The following DCDC2C variants were observed in gnomAD, a reference collection of about 807,000 sequenced individuals.
DCDC2C encodes doublecortin domain-containing protein 2C.
DCDC2C carries 44 observed loss-of-function variants against 45.0 expected under a neutral mutation model. The ratio of observed to expected loss-of-function variants is 0.98; its 90% CI spans 0.77 to 1.26. The LOEUF is 1.26. DCDC2C is among the 50% of genes most tolerant of loss of function. The pLI is 0.00. For synonymous variants in DCDC2C, 187 were observed against 178.8 expected (o/e 1.05, Z -0.37); for missense variants, 447 against 468.9 (o/e 0.95, Z 0.43).
chr2:3,766,483 T>G (rs549926051), intron 6 of DCDC2C, among the ~76,000 whole-genome samples: 2 of 152,204 alleles, frequency 1.3e-5, no homozygotes, highest in Non-Finnish European at 2.9e-5. Flanking sequence ...CCATGACCAG[T>G]TCTGCTAAGA....
At chr2:3,821,814 CTTTATTT>C (rs1348241624) in intron 10 of DCDC2C, among the ~76,000 whole-genome samples, 1 of 152,190 alleles carries the variant, frequency 6.6e-6, no homozygotes, top group Non-Finnish European at 1.5e-5. Flanking sequence ...ATCAAATCTC[CTTTATTT>C]TTATAATTTT....
intron 10 of DCDC2C, among the ~76,000 whole-genome samples, chr2:3,838,911 G>C (rs1672145514): frequency 6.6e-6 from 1 of 152,168 alleles, no homozygotes; most frequent in African/African-American, 2.4e-5. Flanking sequence ...ATATCAAATG[G>C]TGGGTTTATG....
intron 10 of DCDC2C, among the ~76,000 whole-genome samples, chr2:3,841,540 ATTAT>A (rs149047023): frequency 2.8e-4 from 42 of 149,364 alleles, no homozygotes; most frequent in African/African-American, 9.9e-4. Context: ...TGGTTCATTC[ATTAT>A]TTATTTTTTA....
At chr2:3,757,611 G>A (rs1009124932) in intron 6 of DCDC2C, among the ~76,000 whole-genome samples, 1 of 152,204 alleles carries the variant, frequency 6.6e-6, no homozygotes, top group Admixed American at 6.5e-5. Flanking sequence ...TGAGGCCGTG[G>A]TGAGGTGTTG....
At chr2:3,718,747 C>T (rs1668415207) in intron 2 of DCDC2C, among the ~76,000 whole-genome samples, 1 of 152,160 alleles carries the variant, frequency 6.6e-6, no homozygotes, top group South Asian at 2.1e-4. Flanking sequence ...GAGTTGGTTC[C>T]TGCCGGTGGG....
rs1218391775 is a variant in DCDC2C, at chr2:3,752,778, T to C, written c.561T>C (p.Asn187=). 1.9e-6 allele frequency: 3 copies of C among 1,550,416 alleles called. No homozygotes were observed. Among genetic ancestry groups the C allele is most frequent in the Non-Finnish European group, 2.6e-6 (3 of 1,146,838 alleles). The change falls in exon 5 of 11, where the codon AAT becomes AAC. Residue 187 remains asparagine, a synonymous_variant. Coordinates refer to ENST00000399143, the MANE Select transcript of DCDC2C (RefSeq NM_001287444.2). ...GTTTTTACAGATTATTTACAATGAA[T>C]GGGCATCTTTTGGGCGACTCAAAGG... The part of the protein sequence containing the change: ...LGGVRKLFTM[N]GHLLGDSKDL...
chr2:3,793,033 G>A (rs186080877), intron 10 of DCDC2C, among the ~76,000 whole-genome samples: 2 of 152,252 alleles, frequency 1.3e-5, no homozygotes, highest in Non-Finnish European at 2.9e-5. Context: ...TATAATTTCC[G>A]TTCAAGGCAA....
intron 2 of DCDC2C, among the ~76,000 whole-genome samples, chr2:3,721,283 G>A (rs1668492850): frequency 1.3e-5 from 2 of 151,798 alleles, no homozygotes; most frequent in Non-Finnish European, 2.9e-5. Flanking sequence ...AGGGAGGCAT[G>A]TGTCTCTTTG....
chr2:3,773,452 G>A (rs1040342912), intron 8 of DCDC2C, among the ~76,000 whole-genome samples: 4 of 152,092 alleles, frequency 2.6e-5, no homozygotes, highest in East Asian at 3.9e-4. Context: ...CCTGCTGCCC[G>A]ATAAGCTTTC....
rs1671885288 is a variant in DCDC2C at position 3,828,719 on chromosome 2, C to A, written c.1066-18435C>A. Among the ~76,000 whole-genome samples, 3 of 152,194 alleles carry A rather than the reference C, an allele frequency of 2.0e-5. No individual in the cohort carries two copies. The South Asian group carries it at 6.2e-4, about 32-fold the overall frequency. On this transcript the variant is annotated intron_variant, in intron 10 of 10. Transcript: ENST00000399143. ...TTATGGCTGTTAGTGGCCATCAATC[C>A]TACCAAATTCTGTAGAATCAGGTGC...
intron 9 of DCDC2C, among the ~76,000 whole-genome samples, chr2:3,783,652 T>G (rs1451552371): frequency 6.6e-6 from 1 of 152,346 alleles, no homozygotes; most frequent in East Asian, 1.9e-4. Context: ...TTGAGCTTGA[T>G]AGAGACTCTG....
At chr2:3,795,283 G>T (rs1040036890) in intron 10 of DCDC2C, among the ~76,000 whole-genome samples, 4 of 151,270 alleles carry the variant, frequency 2.6e-5, no homozygotes, top group African/African-American at 7.3e-5. Context: ...GTCAGATGAG[G>T]AGGTTGCGAA....
intron 10 of DCDC2C, among the ~76,000 whole-genome samples, chr2:3,793,326 C>T (rs1670872589): frequency 1.3e-5 from 2 of 152,194 alleles, no homozygotes; most frequent in South Asian, 4.1e-4. Flanking sequence ...TTGGGATGGA[C>T]GAAAATGCTC....
intron 2 of DCDC2C, among the ~76,000 whole-genome samples, chr2:3,711,315 C>T (rs150120916): frequency 6.6e-6 from 1 of 152,222 alleles, no homozygotes; most frequent in Non-Finnish European, 1.5e-5. Flanking sequence ...GAATATAAAT[C>T]ATCCTGTCAT....
rs1353337106 is a variant in DCDC2C, at chr2:3,813,053, ATATATATATATATAT to A, written c.1065+27955_1065+27969del. 2.0e-4 allele frequency among the ~76,000 whole-genome samples: 19 copies of A among 93,334 alleles called. 1 individual carries two copies. The highest frequency in any genetic ancestry group is 1.1e-3 in the African/African-American group (18 of 16,160). 61.2% of individuals were successfully genotyped at this position (93,334 alleles called of 152,430 possible). A position where few individuals can be genotyped will look rare whatever the true frequency, so the allele number is the denominator to read the frequency against. ...CTGAGAAGAACGTATATATATATAT[ATATATATATATATAT>A]TTTTTTTTTTTTGCTGTTTTTGAGA... On this transcript the variant is annotated intron_variant, in intron 10 of 10. Coordinates refer to ENST00000399143, the MANE Select transcript of DCDC2C (RefSeq NM_001287444.2).
chr2:3,706,943 G>A (rs1006997091), intron 1 of DCDC2C, among the ~76,000 whole-genome samples: 2 of 152,192 alleles, frequency 1.3e-5, no homozygotes, highest in African/African-American at 4.8e-5. Flanking sequence ...CATCCACTCT[G>A]CGGTACGGTT....
chr2:3,812,650 C>T (rs1170423732), intron 10 of DCDC2C, among the ~76,000 whole-genome samples: 1 of 152,164 alleles, frequency 6.6e-6, no homozygotes, highest in Admixed American at 6.5e-5. Context: ...TCTTGCCTCT[C>T]TAGCTCTTTT....
intron 6 of DCDC2C, among the ~76,000 whole-genome samples, chr2:3,755,959 T>C (rs1669702690): frequency 1.3e-5 from 2 of 152,166 alleles, no homozygotes; most frequent in South Asian, 4.1e-4. Context: ...TAGAGGCATA[T>C]GTTTTTGTGG....
intron 6 of DCDC2C, among the ~76,000 whole-genome samples, chr2:3,755,098 C>G (rs10199816): frequency 6.6e-6 from 1 of 152,152 alleles, no homozygotes; most frequent in South Asian, 2.1e-4. Context: ...TGTGTATGTA[C>G]TGGTGCATGT....
Sources: allele counts gnomAD v4.1 joint callset (sites outside exome capture counted in the v4.1 genomes callset), GRCh38; gene constraint gnomAD v4.1.1; transcripts MANE v1.5; gene names NCBI Gene and HGNC (gene_info 2026-07-23, HGNC 2026-07-21).